The following HECTD4 variants were observed in gnomAD, a reference collection of about 807,000 sequenced individuals.
HECTD4 encodes probable E3 ubiquitin-protein ligase HECTD4.
HECTD4 carries 114 observed loss-of-function variants against 471.5 expected under a neutral mutation model. The observed-to-expected ratio is 0.24, with a 90% CI of 0.21 to 0.28. HECTD4 has a LOEUF of 0.28. Ranked by LOEUF, HECTD4 falls within the 10% of genes least tolerant of loss-of-function variation. The pLI is 1.00. For missense variants in HECTD4, 3,866 were observed against 5,651.5 expected (o/e 0.68, Z 10.13); for synonymous variants, 2,012 against 2,256.0 (o/e 0.89, Z 3.07).
intron 1 of HECTD4, among the ~76,000 whole-genome samples, chr12:112,374,123 G>T (rs1258061913): frequency 2.0e-5 from 3 of 151,940 alleles, no homozygotes; most frequent in Non-Finnish European, 4.4e-5. Context: ...GATTGCTTGA[G>T]GCCAGGAGTT....
chr12:112,367,306 AAAAGAAAGAAAGAAAGAAAG>A (rs3031822), intron 1 of HECTD4, among the ~76,000 whole-genome samples: 45 of 133,890 alleles, frequency 3.4e-4, no homozygotes, highest in South Asian at 1.4e-3. Flanking sequence ...CTCAAAAAAA[AAAAGAAAGAAAGAAAGAAAG>A]AAAGAAAGAA....
At position 112,377,285 on chromosome 12, in the gene HECTD4, T is replaced by A. The variant is rs945968300; in HGVS notation, c.177+4667A>T. On this transcript the variant is annotated intron_variant, in intron 1 of 75. Coordinates refer to ENST00000682272, the MANE Select transcript of HECTD4 (RefSeq NM_001388303.1). ...CCCCAACTCTAATAAAAAAAAAAAA[T>A]AAAACAAAAAAACGGAGCCCTCTTT... Among the ~76,000 whole-genome samples the A allele has an allele frequency of 1.5e-3, 232 of 150,532 alleles. 2 individuals carry two copies. The highest frequency in any genetic ancestry group is 4.8e-3 in the African/African-American group (196 of 40,984).
intron 37 of HECTD4, 53 bp from the exon 38 acceptor site, chr12:112,233,138 T>C: frequency 6.9e-7 from 1 of 1,443,272 alleles, no homozygotes; most frequent in Non-Finnish European, 9.5e-7. Context: ...CTGCCAAAAG[T>C]GGGCTGCATG....
In HECTD4 at chr12:112,243,793, G is replaced by A. The variant is rs775656834; in HGVS notation, c.4650-32C>T. On this transcript the variant is annotated intron_variant, in intron 30 of 75. Coordinates refer to ENST00000682272, the MANE Select transcript of HECTD4 (RefSeq NM_001388303.1). This position sits in a 1 kb window ranked among gnomAD's most constrained non-coding sequence, Gnocchi z 6.6. ...GGAACACAGAACAGACTGGCAAGAC[G>A]AGAAACACACTCAGGGAGCTTGTTT... 8.1e-6 allele frequency: 13 copies of A among 1,609,564 alleles called. No homozygotes were observed. Among genetic ancestry groups the A allele is most frequent in the South Asian group, 3.3e-5 (3 of 90,856 alleles).
intron 6 of HECTD4, among the ~76,000 whole-genome samples, chr12:112,307,639 G>A (rs2035292317): frequency 6.6e-6 from 1 of 152,196 alleles, no homozygotes; most frequent in African/African-American, 2.4e-5. Context: ...CAATTATTGA[G>A]CACCTACTAT....
At chr12:112,369,935 C>G (rs898701550) in intron 1 of HECTD4, among the ~76,000 whole-genome samples, 2 of 152,166 alleles carry the variant, frequency 1.3e-5, no homozygotes, top group African/African-American at 4.8e-5. Flanking sequence ...ATAATGGCGT[C>G]CACCAAAATG....
At chr12:112,260,188 T>G (rs1314099316) in intron 18 of HECTD4, among the ~76,000 whole-genome samples, 1 of 152,216 alleles carries the variant, frequency 6.6e-6, no homozygotes, top group East Asian at 1.9e-4. Flanking sequence ...TTGACTCATC[T>G]AAGTAGGCAA....
intron 17 of HECTD4, 135 bp downstream of exon 17, chr12:112,263,949 G>C: frequency 1.4e-6 from 1 of 717,226 alleles, no homozygotes; most frequent in Non-Finnish European, 2.0e-6. Context: ...TATGGAATGA[G>C]TGGCCTAATG....
rs765629120 is a variant in HECTD4, at chr12:112,172,816, C to G, written c.11640G>C (p.Lys3880Asn). 6.2e-7 allele frequency: 1 copy of G among 1,613,994 alleles called. No homozygotes were observed. ...GTGCCACGTCCATCTCCAGGGTCCA[C>G]TTTCTTGAGGCCTTCTGTGCATGTC... ...DVRHAQKASRKWTLEMDVALV... is the reference protein window; with the variant it reads ...DVRHAQKASRNWTLEMDVALV... The change falls in exon 67 of 76, where the codon AAG becomes AAC. Residue 3880 changes from lysine (K) to asparagine (N), a missense_variant. Coordinates refer to ENST00000682272, the MANE Select transcript of HECTD4 (RefSeq NM_001388303.1).
intron 48 of HECTD4, among the ~76,000 whole-genome samples, chr12:112,214,214 C>A (rs571278154): frequency 3.3e-5 from 5 of 152,292 alleles, no homozygotes; most frequent in African/African-American, 9.6e-5. Flanking sequence ...GTAGGACTTA[C>A]AGAACCAAGA....
chr12:112,245,963 C>T (rs2033750071), intron 29 of HECTD4, among the ~76,000 whole-genome samples: 1 of 151,958 alleles, frequency 6.6e-6, no homozygotes, highest in Non-Finnish European at 1.5e-5. Context: ...AAAACCCTGT[C>T]TCTACTAAAA....
chr12:112,343,742 G>T (rs559541972), intron 1 of HECTD4, among the ~76,000 whole-genome samples: 1 of 152,036 alleles, frequency 6.6e-6, no homozygotes, highest in Non-Finnish European at 1.5e-5. Flanking sequence ...CTATACTGCA[G>T]CCTGGGCAAC....
chr12:112,250,893 T>G, intron 24 of HECTD4, 78 bp downstream of exon 24: 1 of 1,400,772 alleles, frequency 7.1e-7, no homozygotes, highest in South Asian at 1.5e-5. Flanking sequence ...ACCTGGGAAA[T>G]GTACCAAAAG....
chr12:112,177,661 T>C (rs1192285850), intron 64 of HECTD4, among the ~76,000 whole-genome samples: 1 of 152,180 alleles, frequency 6.6e-6, no homozygotes, highest in Non-Finnish European at 1.5e-5. Context: ...ATTATAGGCG[T>C]GAGCCACCGC....
rs1231966998 is a variant in HECTD4, at chr12:112,239,114, G to A, written c.5228C>T (p.Thr1743Ile). Reference protein sequence around the residue: ...EKQTKKQKVATMAWAAFQVLA... With the variant: ...EKQTKKQKVAIMAWAAFQVLA... ...CACCTGGAAGGCAGCCCAGGCCATG[G>A]TGGCCACCTTCTGCTTCTTGGTCTG... Residue 1743 changes from threonine (T) to isoleucine (I), a missense_variant, in exon 34 of 76, where the codon ACC (threonine) becomes ATC (isoleucine). Around this residue, in one of 16 missense-constraint regions of HECTD4, gnomAD observed 229 missense variants for 386.4 expected, o/e 0.59. Transcript: ENST00000682272. This position sits in a 1 kb window ranked among gnomAD's most constrained non-coding sequence, Gnocchi z 4.9. 4 of 1,613,784 alleles carry A rather than the reference G, an allele frequency of 2.5e-6. No individual in the cohort carries two copies. The highest frequency in any genetic ancestry group is 1.7e-5 in the Admixed American group (1 of 59,992).
intron 1 of HECTD4, among the ~76,000 whole-genome samples, chr12:112,365,777 T>G (rs911911976): frequency 1.2e-4 from 17 of 145,260 alleles, no homozygotes; most frequent in Non-Finnish European, 2.0e-4. Flanking sequence ...TTTTTGTTTT[T>G]TTTTTTTTTT....
intron 9 of HECTD4, among the ~76,000 whole-genome samples, chr12:112,278,703 G>A (rs1194232440): frequency 6.6e-6 from 1 of 152,200 alleles, no homozygotes; most frequent in African/African-American, 2.4e-5. Context: ...GAACAGACTG[G>A]CCAACATGGC....
Position 112,266,681 on chromosome 12 carries a change from C to T in HECTD4, c.2392+231G>A, listed in dbSNP as rs2034279322. The stretch of plus-strand genomic sequence containing the variant: ...TATTTTTTGTAGAGTCAGGGTCTTG[C>T]TATGCTGGCCAGGCTGGTCTCGAGC... On this transcript the variant is annotated intron_variant, in intron 14 of 75. Coordinates refer to ENST00000682272, the MANE Select transcript of HECTD4 (RefSeq NM_001388303.1). Among the ~76,000 whole-genome samples the T allele has an allele frequency of 3.3e-5, 5 of 152,216 alleles. 1 individual carries two copies. In the South Asian group the frequency reaches 1.0e-3, roughly 32 times the overall value.
intron 7 of HECTD4, among the ~76,000 whole-genome samples, chr12:112,298,169 AG>A (rs1289626678): frequency 1.3e-5 from 2 of 152,186 alleles, no homozygotes; most frequent in Non-Finnish European, 2.9e-5. Context: ...TCACTATAAT[AG>A]GGAGCCAAAA....
Sources: allele counts gnomAD v4.1 joint callset (sites outside exome capture counted in the v4.1 genomes callset), GRCh38; gene constraint gnomAD v4.1.1; regional missense constraint gnomAD v4.1.1; non-coding constraint Gnocchi (gnomAD v3.1); transcripts MANE v1.5; gene names NCBI Gene and HGNC (gene_info 2026-07-23, HGNC 2026-07-21).